Variants in DPP6 observed in about 807,000 individuals in gnomAD.
The protein encoded by DPP6 is A-type potassium channel modulatory protein DPP6.
In DPP6, 69 loss-of-function variants were observed where a neutral mutation model predicts 122.6. That is an observed-to-expected ratio of 0.56 (90% CI 0.46 to 0.69). The LOEUF is 0.69. Among genes scored for constraint, DPP6 ranks in the 30% least tolerant of loss-of-function variants. The pLI is 0.00. For missense variants in DPP6, 928 were observed against 1,116.9 expected, an observed-to-expected ratio of 0.83 and a Z score of 2.41; for synonymous variants, 418 against 433.1, an observed-to-expected ratio of 0.97 and a Z score of 0.43.
intron 3 of DPP6, among the ~76,000 whole-genome samples, chr7:154,478,893 G>A (rs1201631402): frequency 2.6e-5 from 4 of 152,138 alleles, no homozygotes; most frequent in Non-Finnish European, 5.9e-5. Context: ...TACAAAATAC[G>A]CAAGAGATGA....
At chr7:154,191,186 G>A (rs1173939582) in intron 1 of DPP6, among the ~76,000 whole-genome samples, 2 of 152,172 alleles carry the variant, frequency 1.3e-5, no homozygotes, top group East Asian at 3.9e-4. Flanking sequence ...CCTGAGCCAA[G>A]TCACTGACTG....
intron 3 of DPP6, chr7:154,475,469 A>T: frequency 4.3e-6 from 1 of 230,340 alleles, no homozygotes; most frequent in Non-Finnish European, 8.6e-6. Flanking sequence ...AAAGCAACTC[A>T]TGGAGTTCTT....
chr7:154,530,353 C>T (rs1408139637), intron 3 of DPP6, among the ~76,000 whole-genome samples: 5 of 152,044 alleles, frequency 3.3e-5, no homozygotes. Flanking sequence ...ACAAGATGCT[C>T]AGTGAACATC....
intron 1 of DPP6, among the ~76,000 whole-genome samples, chr7:154,402,760 T>A (rs1475508737): frequency 1.4e-4 from 21 of 148,702 alleles, no homozygotes; most frequent in African/African-American, 4.5e-4. Context: ...CTAATAAATT[T>A]AAAAAAAAGA....
At chr7:154,884,798 C>T (rs1197621509) in intron 21 of DPP6, 1 of 148,924 alleles carries the variant, frequency 6.7e-6, no homozygotes, top group Non-Finnish European at 1.5e-5. Context: ...TATGCACACA[C>T]TCTCACATGT....
chr7:154,582,727 C>A (rs150911566), intron 5 of DPP6, among the ~76,000 whole-genome samples: 2 of 152,094 alleles, frequency 1.3e-5, no homozygotes, highest in Middle Eastern at 3.4e-3. Flanking sequence ...TACCCATGTC[C>A]TCCTCTGGTT....
chr7:154,674,035 G>C (rs57084371), intron 7 of DPP6, among the ~76,000 whole-genome samples: 18,455 of 151,970 alleles, frequency 0.12, 1,210 homozygotes, highest in African/African-American at 0.16. Context: ...GCCACCATAC[G>C]TGGCTAATTT....
chr7:154,242,386 G>C (rs993863569), intron 1 of DPP6, among the ~76,000 whole-genome samples: 6 of 151,998 alleles, frequency 3.9e-5, no homozygotes, highest in Admixed American at 3.3e-4. Context: ...CAATGAGTGT[G>C]TGTGTGTGTG....
Position 154,892,915 on chromosome 7 carries a change from T to C in DPP6, c.*435T>C, listed in dbSNP as rs576080325. On this transcript the variant is annotated 3_prime_UTR_variant, in exon 26 of 26. Transcript: ENST00000377770. ...CACCCTGTCTCACGTCGCAGTGCCA[T>C]GGACGCAGCAGTTACAGCACCATTG... 3 of 523,660 alleles carry C rather than the reference T, an allele frequency of 5.7e-6. No homozygotes were observed. Among genetic ancestry groups the C allele is most frequent in the South Asian group, 2.8e-5 (2 of 71,638 alleles). The allele number at this position is 523,660 out of a possible 1,614,324, so 32.4% of individuals were successfully genotyped here.
At chr7:154,587,480 A>G in intron 5 of DPP6, 1 of 714,024 alleles carries the variant, frequency 1.4e-6, no homozygotes, top group South Asian at 1.9e-5. Flanking sequence ...TCTGAGCAAG[A>G]CACAGCTTCA....
At chr7:153,950,526 G>A (rs76790585) in intron 1 of DPP6, among the ~76,000 whole-genome samples, 4,019 of 152,246 alleles carry the variant, frequency 0.026, 152 homozygotes, top group African/African-American at 0.091. Flanking sequence ...GAAGAGACTG[G>A]TGAGAAGTGA....
intron 16 of DPP6, among the ~76,000 whole-genome samples, chr7:154,846,813 TA>T (rs1801978330): frequency 6.6e-6 from 1 of 152,244 alleles, no homozygotes; most frequent in Admixed American, 6.5e-5. Context: ...TTTTAAAAAT[TA>T]TTTACATCAT....
intron 1 of DPP6, among the ~76,000 whole-genome samples, chr7:154,208,820 T>C (rs1799588541): frequency 6.6e-6 from 1 of 152,040 alleles, no homozygotes. Flanking sequence ...CTCATCAGAA[T>C]ATAACTTTCT....
At chr7:153,934,928 T>C (rs1186306112) in intron 1 of DPP6, among the ~76,000 whole-genome samples, 1 of 151,514 alleles carries the variant, frequency 6.6e-6, no homozygotes, top group African/African-American at 2.4e-5. Context: ...TGCCAGCACG[T>C]TTGGATGGAA....
chr7:154,880,734 CAATA>C (rs1353892995), intron 20 of DPP6, among the ~76,000 whole-genome samples, 150 bp from the exon 21 acceptor site: 1 of 152,142 alleles, frequency 6.6e-6, no homozygotes, highest in Non-Finnish European at 1.5e-5. Flanking sequence ...TAAATAAAAG[CAATA>C]AATAATTATA....
At chr7:154,407,106 A>G (rs924904608) in intron 1 of DPP6, among the ~76,000 whole-genome samples, 28 of 152,336 alleles carry the variant, frequency 1.8e-4, no homozygotes, top group Non-Finnish European at 2.9e-4. Flanking sequence ...CACACACTCC[A>G]GGGAGATAAC....
chr7:154,381,608 G>A lies in DPP6; in HGVS notation c.244-64606G>A, dbSNP rs147101349. Among the ~76,000 whole-genome samples the A allele has an allele frequency of 2.9e-3, 440 of 152,228 alleles. 4 individuals are homozygous for A. The highest frequency in any genetic ancestry group is 9.8e-3 in the African/African-American group (407 of 41,544). On this transcript the variant is annotated intron_variant, in intron 1 of 25. Transcript: ENST00000377770. ...TTAGTAAATCAGTATTTCTTAATGCGCTGCTTGTTACTGGTTTAGGCTACT... is the reference window on the plus strand; with the variant it reads ...TTAGTAAATCAGTATTTCTTAATGCACTGCTTGTTACTGGTTTAGGCTACT...
At chr7:154,396,395 C>T (rs966370358) in intron 1 of DPP6, among the ~76,000 whole-genome samples, 2 of 152,038 alleles carry the variant, frequency 1.3e-5, no homozygotes, top group African/African-American at 2.4e-5. Flanking sequence ...TGGACAGGAC[C>T]CTTATTCTAA....
At chr7:154,588,242 C>T (rs771247946) in intron 5 of DPP6, 64 of 1,316,626 alleles carry the variant, frequency 4.9e-5, no homozygotes, top group Middle Eastern at 5.4e-4. Flanking sequence ...GGACCCTCCA[C>T]TGGTTCAAAT....
Sources: gnomAD v4.1 joint callset for allele counts (sites outside exome capture counted in the v4.1 genomes callset) on GRCh38, gnomAD v4.1.1 for gene constraint, MANE v1.5 for transcripts, NCBI Gene and HGNC (gene_info 2026-07-23, HGNC 2026-07-21) for gene names.